The following CDKL1 variants were observed in gnomAD, a reference collection of about 807,000 sequenced individuals.
CDKL1 encodes the protein cyclin dependent kinase like 1.
In CDKL1, 41 loss-of-function variants were observed where a neutral mutation model predicts 42.0. The observed-to-expected ratio is 0.98, with a 90% CI of 0.76 to 1.27. CDKL1 has a LOEUF of 1.27. Ranked by LOEUF, CDKL1 falls within the 50% of genes most tolerant of loss-of-function variation. CDKL1 has a pLI of 0.00. For synonymous variants in CDKL1, 153 were observed against 158.6 expected, an observed-to-expected ratio of 0.96 and a Z score of 0.26; for missense variants, 394 against 428.4, an observed-to-expected ratio of 0.92 and a Z score of 0.71.
rs2032831452 is a variant in CDKL1 at position 50,329,648 on chromosome 14, A to G, written c.*426T>C. 1 of 156,390 alleles carries G rather than the reference A, an allele frequency of 6.4e-6. No individual in the cohort carries two copies. The highest frequency in any genetic ancestry group is 2.4e-5 in the African/African-American group (1 of 41,608). The allele number at this position is 156,390 out of a possible 1,614,324, so 9.7% of individuals were successfully genotyped here. A position where few individuals can be genotyped will look rare whatever the true frequency, so the allele number is the denominator to read the frequency against. On this transcript the variant is annotated 3_prime_UTR_variant, in exon 10 of 10. Transcript: ENST00000395834. ...GAACTATCTTAAATATGATGCTGAA[A>G]CAATCTGAGAGGCAGGAGATAGGAC...
intron 7 of CDKL1, among the ~76,000 whole-genome samples, chr14:50,338,108 A>G (rs761005747): frequency 6.6e-6 from 1 of 152,188 alleles, no homozygotes; most frequent in Non-Finnish European, 1.5e-5. Flanking sequence ...TTGGAAGTGG[A>G]TTAGGGGTAT....
chr14:50,388,152 G>T (rs1050801865), intron 2 of CDKL1, among the ~76,000 whole-genome samples: 1 of 152,130 alleles, frequency 6.6e-6, no homozygotes, highest in Non-Finnish European at 1.5e-5. Flanking sequence ...GCCTTCCAAA[G>T]TGCTGGGATC....
chr14:50,363,506 C>T (rs1479733255), intron 2 of CDKL1, among the ~76,000 whole-genome samples: 1 of 152,192 alleles, frequency 6.6e-6, no homozygotes, highest in Non-Finnish European at 1.5e-5. Flanking sequence ...TCGCAGAAAG[C>T]AGAAGTTTTC....
chr14:50,386,171 C>G (rs2035075545), intron 2 of CDKL1, among the ~76,000 whole-genome samples: 1 of 152,158 alleles, frequency 6.6e-6, no homozygotes, highest in Admixed American at 6.6e-5. Flanking sequence ...ATGGCTCATA[C>G]ATGTAATCCC....
chr14:50,358,121 G>C, intron 3 of CDKL1: 1 of 1,354,666 alleles, frequency 7.4e-7, no homozygotes, highest in Non-Finnish European at 9.8e-7. Context: ...TCTTCTTCCA[G>C]TGCACACAAA....
At chr14:50,341,456 TGGGGGGGGG>T (rs10598932) in intron 5 of CDKL1, among the ~76,000 whole-genome samples, 3 of 71,632 alleles carry the variant, frequency 4.2e-5, no homozygotes, top group African/African-American at 1.1e-4. Flanking sequence ...GGGGAGGGTC[TGGGGGGGGG>T]GGGGGGGTTA....
chr14:50,345,028 A>G lies in CDKL1; in HGVS notation c.321T>C (p.Thr107=). The G allele has an allele frequency of 6.2e-7, 1 of 1,613,844 alleles. No homozygotes were observed. Among genetic ancestry groups the G allele is most frequent in the Non-Finnish European group, 8.5e-7 (1 of 1,179,890 alleles). ...AATTTACAGCTTGCAGTGTCTGCCA[A>G]GTTATGCTCTTCACGAGATGTTCTG... ...GVPEHLVKSI[T]WQTLQAVNFC... The change falls in exon 4 of 10, where the codon ACT becomes ACC. Residue 107 remains threonine, a synonymous_variant. Coordinates refer to ENST00000395834, the MANE Select transcript of CDKL1 (RefSeq NM_004196.7).
At chr14:50,330,370 T>A in intron 9 of CDKL1, 189 bp from the exon 10 acceptor site, 1 of 609,078 alleles carries the variant, frequency 1.6e-6, no homozygotes, top group Non-Finnish European at 2.6e-6. Flanking sequence ...ATGTTTATAT[T>A]AAAAAGGAAA....
chr14:50,369,201 C>T (rs1454547880), intron 2 of CDKL1, among the ~76,000 whole-genome samples: 1 of 152,038 alleles, frequency 6.6e-6, no homozygotes, highest in Non-Finnish European at 1.5e-5. Flanking sequence ...CTTTAAAATC[C>T]TGGTTACCAA....
chr14:50,340,366 A>G (rs2033467696), intron 6 of CDKL1, among the ~76,000 whole-genome samples: 1 of 152,210 alleles, frequency 6.6e-6, no homozygotes, highest in African/African-American at 2.4e-5. Context: ...AAGAGTTTAG[A>G]GGAGGAAAAG....
chr14:50,390,386 C>A lies in CDKL1; in HGVS notation c.168+5315G>T, dbSNP rs775847723. On this transcript the variant is annotated intron_variant, in intron 2 of 9. Transcript: ENST00000395834. ...TTTTCTGCCACTGCTGGCAGAAATT[C>A]TTTCTTTCCTCTTCTTACCATTTTC... The A allele has an allele frequency of 2.2e-6, 3 of 1,359,510 alleles. No homozygotes were observed. The South Asian group carries it at 3.4e-5, about 16-fold the overall frequency. The allele number at this position is 1,359,510 out of a possible 1,614,324, so 84.2% of individuals were successfully genotyped here.
At chr14:50,366,058 T>A (rs1022879570) in intron 2 of CDKL1, among the ~76,000 whole-genome samples, 1 of 152,200 alleles carries the variant, frequency 6.6e-6, no homozygotes, top group African/African-American at 2.4e-5. Flanking sequence ...CATCTTGTGA[T>A]CATGTGAGCC....
At chr14:50,342,893 C>G (rs772154754) in intron 4 of CDKL1, 25 of 1,306,222 alleles carry the variant, frequency 1.9e-5, no homozygotes, top group Non-Finnish European at 2.5e-5. Context: ...CAAGAGTAGG[C>G]AGCAGCCCTC....
intron 3 of CDKL1, among the ~76,000 whole-genome samples, chr14:50,352,206 A>G (rs1369776987): frequency 2.0e-5 from 3 of 152,164 alleles, no homozygotes; most frequent in African/African-American, 7.2e-5. Context: ...TGATTTGGGA[A>G]ATGTTCCTTC....
At chr14:50,365,994 T>G (rs2034428142) in intron 2 of CDKL1, among the ~76,000 whole-genome samples, 1 of 152,210 alleles carries the variant, frequency 6.6e-6, no homozygotes, top group South Asian at 2.1e-4. Context: ...ACTGATGGCT[T>G]CCCTACTTTT....
intron 2 of CDKL1, among the ~76,000 whole-genome samples, chr14:50,381,961 A>G (rs946987624): frequency 5.3e-5 from 8 of 152,130 alleles, no homozygotes; most frequent in Admixed American, 6.6e-5. Context: ...TTAACCTTTC[A>G]TTATTCCAGC....
intron 7 of CDKL1, among the ~76,000 whole-genome samples, chr14:50,335,295 CAAAAA>C (rs55777134): frequency 5.0e-4 from 27 of 54,314 alleles, no homozygotes; most frequent in East Asian, 3.7e-3. Flanking sequence ...GACCCTGTCT[CAAAAA>C]AAAAAAAAAA....
At chr14:50,340,939 G>A in intron 6 of CDKL1, 93 bp downstream of exon 6, 1 of 1,320,170 alleles carries the variant, frequency 7.6e-7, no homozygotes. Flanking sequence ...ATGCCTTAAA[G>A]GGCATTAGGT....
At chr14:50,355,639 G>A (rs1378250350) in intron 3 of CDKL1, among the ~76,000 whole-genome samples, 1 of 152,196 alleles carries the variant, frequency 6.6e-6, no homozygotes, top group Non-Finnish European at 1.5e-5. Flanking sequence ...CCACAGGTGA[G>A]GAAGGCCCAG....
Sources: allele counts gnomAD v4.1 joint callset (sites outside exome capture counted in the v4.1 genomes callset), GRCh38; gene constraint gnomAD v4.1.1; transcripts MANE v1.5; gene names NCBI Gene and HGNC (gene_info 2026-07-23, HGNC 2026-07-21).